Variants in WDFY3 observed in about 807,000 individuals in gnomAD.
The protein encoded by WDFY3 is WD repeat and FYVE domain containing 3, also known as WD repeat and FYVE domain-containing protein 3.
WDFY3 carries 66 observed loss-of-function variants against 409.6 expected under a neutral mutation model. That is an observed-to-expected ratio of 0.16 (90% CI 0.13 to 0.20). The LOEUF (loss-of-function observed/expected upper bound fraction) is 0.20, where lower values mean the gene tolerates loss of function less well. Among genes scored for constraint, WDFY3 ranks in the 10% least tolerant of loss-of-function variants. The probability of loss-of-function intolerance (pLI) is 1.00; values close to 1 mark genes in which losing one functional copy is unlikely to be tolerated. For synonymous variants in WDFY3, 1,521 were observed against 1,537.1 expected, an observed-to-expected ratio of 0.99 and a Z score of 0.25; for missense variants, 3,031 against 4,298.1, an observed-to-expected ratio of 0.71 and a Z score of 8.24.
At chr4:84,794,392 G>T (rs899666783) in intron 21 of WDFY3, 127 bp downstream of exon 21, 6 of 958,974 alleles carry the variant, frequency 6.3e-6, no homozygotes, top group Non-Finnish European at 9.0e-6. Context: ...AATGTTTTAT[G>T]TAACTTGTTC....
At chr4:84,772,035 C>T (rs1415613308) in intron 30 of WDFY3, among the ~76,000 whole-genome samples, 1 of 152,162 alleles carries the variant, frequency 6.6e-6, no homozygotes, top group Non-Finnish European at 1.5e-5. Context: ...TGGAGAACCC[C>T]TTTGGGAGGA....
intron 3 of WDFY3, among the ~76,000 whole-genome samples, chr4:84,880,674 C>CATACATATATAT (rs1763381008): frequency 2.0e-5 from 1 of 50,354 alleles, no homozygotes. Context: ...GGGAACCATA[C>CATACATATATAT]ATATATATAT....
intron 60 of WDFY3, 35 bp from the exon 61 acceptor site, chr4:84,690,699 G>A (rs777810263): frequency 1.5e-5 from 24 of 1,577,608 alleles, no homozygotes; most frequent in South Asian, 7.1e-5. Flanking sequence ...CACACATGCC[G>A]TTAAGTACTA....
chr4:84,714,540 T>C (rs1733512179), intron 50 of WDFY3, among the ~76,000 whole-genome samples: 1 of 152,248 alleles, frequency 6.6e-6, no homozygotes, highest in Non-Finnish European at 1.5e-5. Flanking sequence ...ATCCCTTCCA[T>C]GGCCAGAGAA....
intron 45 of WDFY3, among the ~76,000 whole-genome samples, chr4:84,726,096 A>C (rs1308811135): frequency 6.6e-6 from 1 of 152,194 alleles, no homozygotes; most frequent in Admixed American, 6.5e-5. Flanking sequence ...TTGTACCATA[A>C]AAATTCTTTT....
chr4:84,858,309 T>A (rs1760056050), intron 4 of WDFY3, among the ~76,000 whole-genome samples: 1 of 151,992 alleles, frequency 6.6e-6, no homozygotes, highest in Non-Finnish European at 1.5e-5. Context: ...CAACTAGAAG[T>A]CTAGTTCCTT....
chr4:84,691,481 C>T, intron 60 of WDFY3, 150 bp downstream of exon 60: 2 of 782,226 alleles, frequency 2.6e-6, no homozygotes, highest in South Asian at 4.3e-5. Context: ...GCTCTCCTTT[C>T]CCCAAATAGG....
chr4:84,787,819 A>G, intron 22 of WDFY3, 106 bp from the exon 23 acceptor site: 1 of 1,002,868 alleles, frequency 1.0e-6, no homozygotes, highest in Non-Finnish European at 1.5e-6. Context: ...ACAACTTTAC[A>G]AATGCACAAA....
intron 3 of WDFY3, among the ~76,000 whole-genome samples, chr4:84,892,584 C>G (rs1391873027): frequency 6.6e-6 from 1 of 152,092 alleles, no homozygotes; most frequent in East Asian, 1.9e-4. Flanking sequence ...TCTCTTAAGC[C>G]TCTCATATAG....
intron 45 of WDFY3, 81 bp downstream of exon 45, chr4:84,726,780 C>T (rs963210054): frequency 2.4e-6 from 3 of 1,233,324 alleles, no homozygotes; most frequent in Non-Finnish European, 3.4e-6. Context: ...TCTAGTCTAC[C>T]ATGCACTTAA....
rs556549782 is a variant in WDFY3 at position 84,766,872 on chromosome 4, A to G, written c.4850-500T>C. Among the ~76,000 whole-genome samples the G allele has an allele frequency of 5.3e-5, 8 of 152,356 alleles. No individual in the cohort carries two copies. In the East Asian group the frequency reaches 1.5e-3, roughly 29 times the overall value. On this transcript the variant is annotated intron_variant, in intron 30 of 67. Coordinates refer to ENST00000295888, the MANE Select transcript of WDFY3 (RefSeq NM_014991.6). Reference sequence around the variant, plus strand: ...AAGGCAAAGGCGCACAAACGCATAAAGGAGAAATTAGAGAAGAAACGAAGA... The same window carrying G: ...AAGGCAAAGGCGCACAAACGCATAAGGGAGAAATTAGAGAAGAAACGAAGA...
rs115190526 is a variant in WDFY3, at chr4:84,811,886, G to A, written c.1888-1542C>T. 9.8e-3 allele frequency among the ~76,000 whole-genome samples: 1,490 copies of A among 152,132 alleles called. 9 individuals are homozygous for A. The highest frequency in any genetic ancestry group is 0.016 in the Non-Finnish European group (1,116 of 67,994). On this transcript the variant is annotated intron_variant, in intron 13 of 67. Transcript: ENST00000295888. The stretch of plus-strand genomic sequence containing the variant: ...TTATCTAAACATAAAATTCATGTAT[G>A]TTTCATATATACCTTATACACATAG...
At chr4:84,705,117 T>C (rs867314313) in intron 54 of WDFY3, among the ~76,000 whole-genome samples, 4 of 152,188 alleles carry the variant, frequency 2.6e-5, no homozygotes, top group Non-Finnish European at 4.4e-5. Context: ...CAGAGGCAGA[T>C]TATGATGGGA....
intron 30 of WDFY3, among the ~76,000 whole-genome samples, chr4:84,772,484 A>G (rs1744836237): frequency 6.6e-6 from 1 of 152,218 alleles, no homozygotes; most frequent in South Asian, 2.1e-4. Flanking sequence ...AATTTAGTTT[A>G]GCAAGTATCA....
rs1764781743 is a variant in WDFY3 at position 84,890,346 on chromosome 4, T to G, written c.-32+6565A>C. 3.9e-5 allele frequency among the ~76,000 whole-genome samples: 6 copies of G among 152,196 alleles called. 1 individual carries two copies. ...AACTCCTGAGCTCAAGATATCCACC[T>G]GCCTTGGCCTCCCAAAGTGCTGGGA... is the stretch of plus-strand genomic sequence containing the variant. On this transcript the variant is annotated intron_variant, in intron 3 of 67. Transcript: ENST00000295888.
intron 25 of WDFY3, among the ~76,000 whole-genome samples, chr4:84,780,644 A>G (rs1371420665): frequency 2.0e-5 from 3 of 152,036 alleles, no homozygotes; most frequent in South Asian, 2.1e-4. Context: ...CGCGCCTACA[A>G]TCTCAGCTAC....
At chr4:84,779,846 G>A (rs180931563) in intron 26 of WDFY3, among the ~76,000 whole-genome samples, 24 of 152,136 alleles carry the variant, frequency 1.6e-4, no homozygotes, top group Admixed American at 3.3e-4. Context: ...TAAATTCAAT[G>A]TATTAAAGCT....
intron 47 of WDFY3, among the ~76,000 whole-genome samples, chr4:84,720,316 C>T (rs181138282): frequency 1.3e-5 from 2 of 152,164 alleles, no homozygotes; most frequent in Non-Finnish European, 2.9e-5. Flanking sequence ...AAAAAGCTTC[C>T]TATGTTTGAA....
intron 13 of WDFY3, 180 bp from the exon 14 acceptor site, chr4:84,810,524 A>G (rs1752324455): frequency 1.9e-6 from 1 of 518,390 alleles, no homozygotes; most frequent in African/African-American, 2.0e-5. Flanking sequence ...GCCACATTAA[A>G]TGCTGAAGGT....
Sources: allele counts gnomAD v4.1 joint callset (sites outside exome capture counted in the v4.1 genomes callset), GRCh38; gene constraint gnomAD v4.1.1; transcripts MANE v1.5; gene names NCBI Gene and HGNC (gene_info 2026-07-23, HGNC 2026-07-21).